Variants in ROR2 observed in about 807,000 individuals in gnomAD.
The protein encoded by ROR2 is ROR family WNT receptor 2, also known as tyrosine-protein kinase transmembrane receptor ROR2.
ROR2 carries 33 observed loss-of-function variants against 74.9 expected under a neutral mutation model. The ratio of observed to expected loss-of-function variants is 0.44; its 90% CI spans 0.33 to 0.59. ROR2 has a LOEUF of 0.59. ROR2 is among the 20% of genes least tolerant of loss of function. The pLI is 0.02. For missense variants in ROR2, 1,216 were observed against 1,313.8 expected (o/e 0.93, Z 1.15); for synonymous variants, 586 against 558.7 (o/e 1.05, Z -0.69).
At chr9:91,850,732 G>C (rs758370000) in intron 1 of ROR2, among the ~76,000 whole-genome samples, 88 of 152,198 alleles carry the variant, frequency 5.8e-4, no homozygotes, top group Non-Finnish European at 4.1e-4. Flanking sequence ...AACTCGCAAA[G>C]ATGAGTCTCT....
At chr9:91,880,685 T>C (rs761357007) in intron 1 of ROR2, among the ~76,000 whole-genome samples, 93 of 152,366 alleles carry the variant, frequency 6.1e-4, no homozygotes, top group Middle Eastern at 6.8e-3. Context: ...TTCTACAACA[T>C]TGTTTCTGCA....
At chr9:91,847,636 C>A (rs557810856) in intron 1 of ROR2, among the ~76,000 whole-genome samples, 2 of 152,130 alleles carry the variant, frequency 1.3e-5, no homozygotes, top group African/African-American at 4.8e-5. Flanking sequence ...CCTCCAGAGC[C>A]GCTTTTCTCA....
intron 1 of ROR2, among the ~76,000 whole-genome samples, chr9:91,871,712 T>C (rs980861898): frequency 1.3e-5 from 2 of 152,122 alleles, no homozygotes; most frequent in African/African-American, 4.8e-5. Context: ...AGCCTGTAAG[T>C]GGCCAAATTC....
intron 1 of ROR2, among the ~76,000 whole-genome samples, chr9:91,939,920 G>T (rs1474447555): frequency 6.6e-6 from 1 of 152,156 alleles, no homozygotes; most frequent in Non-Finnish European, 1.5e-5. Context: ...ATTAAACAAG[G>T]CTCAGCAGAT....
chr9:91,836,900 T>C (rs1179427486), intron 1 of ROR2, among the ~76,000 whole-genome samples: 2 of 152,270 alleles, frequency 1.3e-5, no homozygotes, highest in Non-Finnish European at 2.9e-5. Context: ...CTGTCTGCTA[T>C]ATTCCACTTA....
chr9:91,872,527 C>T (rs946851517), intron 1 of ROR2, among the ~76,000 whole-genome samples: 1 of 152,180 alleles, frequency 6.6e-6, no homozygotes, highest in Non-Finnish European at 1.5e-5. Flanking sequence ...TTTTATGAGG[C>T]TACTAGTAAG....
chr9:91,901,623 C>A (rs1830678701), intron 1 of ROR2, among the ~76,000 whole-genome samples: 1 of 152,004 alleles, frequency 6.6e-6, no homozygotes, highest in Non-Finnish European at 1.5e-5. Flanking sequence ...TGAGACCAGC[C>A]TGACCAACAT....
chr9:91,859,411 A>G (rs1404919792), intron 1 of ROR2, among the ~76,000 whole-genome samples: 1 of 152,006 alleles, frequency 6.6e-6, no homozygotes, highest in Non-Finnish European at 1.5e-5. Flanking sequence ...GTTGGCCAGG[A>G]TGGTCTCGAA....
At chr9:91,873,007 T>C (rs74495890) in intron 1 of ROR2, among the ~76,000 whole-genome samples, 4,767 of 152,322 alleles carry the variant, frequency 0.031, 249 homozygotes, top group African/African-American at 0.11. Flanking sequence ...TTAAACTTCT[T>C]GGAGACATGA....
chr9:91,773,588 G>C (rs1243468163), intron 2 of ROR2, among the ~76,000 whole-genome samples: 1 of 152,214 alleles, frequency 6.6e-6, no homozygotes, highest in South Asian at 2.1e-4. Context: ...TACAACCAAG[G>C]AACTGAAATC....
At chr9:91,744,872 T>C (rs1266223762) in intron 4 of ROR2, among the ~76,000 whole-genome samples, 2 of 152,154 alleles carry the variant, frequency 1.3e-5, no homozygotes, top group Non-Finnish European at 2.9e-5. Context: ...CCCTCCCAGG[T>C]AAGCCAAACA....
At chr9:91,862,653 C>T (rs1252270163) in intron 1 of ROR2, among the ~76,000 whole-genome samples, 4 of 151,608 alleles carry the variant, frequency 2.6e-5, no homozygotes, top group African/African-American at 9.7e-5. Flanking sequence ...CAGAGTGAGT[C>T]CCTGTCTCAA....
rs552387138 is a variant in ROR2, at chr9:91,887,463, C to T, written c.97+62404G>A. 2.6e-5 allele frequency among the ~76,000 whole-genome samples: 4 copies of T among 152,332 alleles called. No individual in the cohort carries two copies. In the South Asian group the frequency reaches 6.2e-4, roughly 24 times the overall value. ...TACAACTTGTATTTCCTGCTCAATG[C>T]TAAGCTGTGAGATCTATGTTTGAAC... On this transcript the variant is annotated intron_variant, in intron 1 of 8. Coordinates refer to ENST00000375708, the MANE Select transcript of ROR2 (RefSeq NM_004560.4).
At chr9:91,802,067 GTTTTTTT>G (rs60111555) in intron 1 of ROR2, among the ~76,000 whole-genome samples, 59 of 103,712 alleles carry the variant, frequency 5.7e-4, no homozygotes, top group African/African-American at 2.0e-3. Flanking sequence ...TTTGGAAGGT[GTTTTTTT>G]TTTTTTTTTT....
intron 1 of ROR2, among the ~76,000 whole-genome samples, chr9:91,837,348 A>G (rs991222551): frequency 4.6e-5 from 7 of 152,348 alleles, no homozygotes; most frequent in Admixed American, 3.9e-4. Flanking sequence ...CTGGGATTAC[A>G]GGCGTGAGCC....
chr9:91,802,536 T>C (rs995105842), intron 1 of ROR2, among the ~76,000 whole-genome samples: 10 of 152,152 alleles, frequency 6.6e-5, no homozygotes, highest in Admixed American at 2.0e-4. Context: ...GCATTGTCTC[T>C]GGGCAGCAGT....
rs1052183469 is a variant in ROR2 at position 91,905,076 on chromosome 9, CCACA to C, written c.97+44787_97+44790del. Among the ~76,000 whole-genome samples the C allele has an allele frequency of 2.6e-5, 4 of 151,094 alleles. No individual in the cohort carries two copies. The highest frequency in any genetic ancestry group is 6.6e-5 in the Admixed American group (1 of 15,156). On this transcript the variant is annotated intron_variant, in intron 1 of 8. Transcript: ENST00000375708. The surrounding 1 kb of genome is among the most constrained non-coding windows in gnomAD (Gnocchi z 5.3). ...ACACCACACAGACATACAACATATA[CCACA>C]CACAGCACATACACAAAACTCATAC...
At chr9:91,811,174 G>A (rs531209728) in intron 1 of ROR2, among the ~76,000 whole-genome samples, 1 of 152,368 alleles carries the variant, frequency 6.6e-6, no homozygotes, top group East Asian at 1.9e-4. Context: ...CGGGACAGCG[G>A]CGCTGGTGGG....
chr9:91,838,324 G>A lies in ROR2; in HGVS notation c.98-62506C>T, dbSNP rs116689340. ...GACTATGGATTAACCTGAAGGCCCC[G>A]AGAGCTGGGACCAGGGCCAAGTGCG... On this transcript the variant is annotated intron_variant, in intron 1 of 8. Transcript: ENST00000375708. Among the ~76,000 whole-genome samples, 419 of 152,270 alleles carry A rather than the reference G, an allele frequency of 2.8e-3. 4 individuals carry two copies. The highest frequency in any genetic ancestry group is 9.4e-3 in the African/African-American group (390 of 41,562).
Sources: gnomAD v4.1 joint callset for allele counts (sites outside exome capture counted in the v4.1 genomes callset) on GRCh38, gnomAD v4.1.1 for gene constraint, Gnocchi (gnomAD v3.1) non-coding constraint, MANE v1.5 for transcripts, NCBI Gene and HGNC (gene_info 2026-07-23, HGNC 2026-07-21) for gene names.